The following SNX31 variants were observed in gnomAD, a reference collection of about 807,000 sequenced individuals.
The protein encoded by SNX31 is sorting nexin 31.
Under a neutral mutation model 65.4 loss-of-function variants are expected in SNX31, and 58 were observed. The ratio of observed to expected loss-of-function variants is 0.89; its 90% CI spans 0.72 to 1.10. SNX31 has a LOEUF of 1.10. SNX31 is among the 50% of genes least tolerant of loss of function. SNX31 has a pLI of 0.00. For missense variants in SNX31, 523 were observed against 529.7 expected (o/e 0.99, Z 0.12); for synonymous variants, 181 against 190.1 (o/e 0.95, Z 0.39).
At chr8:100,635,481 T>G (rs1048519200) in intron 3 of SNX31, among the ~76,000 whole-genome samples, 14 of 148,224 alleles carry the variant, frequency 9.4e-5, no homozygotes, top group Admixed American at 3.4e-4. Context: ...CCTCAAGTGA[T>G]CCTCCTGCCT....
intron 4 of SNX31, among the ~76,000 whole-genome samples, chr8:100,627,930 G>T (rs888552942): frequency 1.8e-4 from 27 of 152,052 alleles, no homozygotes; most frequent in Non-Finnish European, 3.4e-4. Flanking sequence ...GTGGGCAAAG[G>T]ATATGAACAG....
At chr8:100,652,346 A>G (rs561319933), upstream of SNX31, among the ~76,000 whole-genome samples, 8 of 152,264 alleles carry the variant, frequency 5.3e-5, no homozygotes, top group South Asian at 1.7e-3. Context: ...AATCAATCCT[A>G]TATTGTTTCC....
rs1205870153 is a variant in SNX31, at chr8:100,643,207, AAACAGAAAC to A, written c.141+6058_141+6066del. On this transcript the variant is annotated intron_variant, in intron 2 of 13. Transcript: ENST00000311812. ...GACTCCGTCTCAAAAAAACAAAACA[AAACAGAAAC>A]AAACAAAAAAATCCCAGAACAATCT... Among the ~76,000 whole-genome samples the A allele has an allele frequency of 2.6e-5, 4 of 151,812 alleles. No individual in the cohort carries two copies. In the East Asian group the frequency reaches 7.8e-4, roughly 30 times the overall value.
Position 100,629,316 on chromosome 8 carries a change from C to T in SNX31, c.321+1011G>A, listed in dbSNP as rs61621470. Among the ~76,000 whole-genome samples the T allele has an allele frequency of 0.085, 13,007 of 152,170 alleles. 668 individuals are homozygous for T. The highest frequency in any genetic ancestry group is 0.18 in the South Asian group (878 of 4,824). On this transcript the variant is annotated intron_variant, in intron 4 of 13. Transcript: ENST00000311812. The surrounding 1 kb of genome is among the most constrained non-coding windows in gnomAD (Gnocchi z 5.1). ...AAGAAAAGTTACTTTTCATTGTATA[C>T]GCTTGGCTATTTGAATTTTACTATC...
intron 1 of SNX31, among the ~76,000 whole-genome samples, chr8:100,654,794 C>T (rs550735653): frequency 6.6e-6 from 1 of 152,312 alleles, no homozygotes; most frequent in African/African-American, 2.4e-5. Context: ...ATGCGGATCA[C>T]TTGAGGTCAG....
chr8:100,580,532 G>C (rs904009048), intron 12 of SNX31, among the ~76,000 whole-genome samples: 7 of 152,142 alleles, frequency 4.6e-5, no homozygotes, highest in African/African-American at 1.7e-4. Context: ...TTGTCGTAGG[G>C]GAAATTCTGA....
intron 8 of SNX31, among the ~76,000 whole-genome samples, chr8:100,602,561 G>A (rs1815742268): frequency 6.6e-6 from 1 of 152,162 alleles, no homozygotes; most frequent in Non-Finnish European, 1.5e-5. Flanking sequence ...GGCACAGTAA[G>A]AGATGAACAA....
intron 10 of SNX31, among the ~76,000 whole-genome samples, chr8:100,592,196 A>G (rs760848877): frequency 6.6e-6 from 1 of 152,192 alleles, no homozygotes; most frequent in Non-Finnish European, 1.5e-5. Flanking sequence ...GAATTTGGAG[A>G]AAAAAAGTAG....
intron 1 of SNX31, among the ~76,000 whole-genome samples, chr8:100,662,919 A>G (rs1022041429): frequency 3.3e-5 from 5 of 152,220 alleles, no homozygotes; most frequent in African/African-American, 1.2e-4. Context: ...TTGAAAATAA[A>G]TCAGTGCTCT....
chr8:100,663,484 G>A (rs1418160561), upstream of SNX31: 1 of 152,146 alleles, frequency 6.6e-6, no homozygotes, highest in Non-Finnish European at 1.5e-5. Flanking sequence ...CAGTTGCGAG[G>A]ATACCATGTG....
chr8:100,581,892 C>G (rs2130801089), intron 12 of SNX31, among the ~76,000 whole-genome samples: 1 of 152,302 alleles, frequency 6.6e-6, no homozygotes, highest in South Asian at 2.1e-4. Context: ...TCTGCTCTCT[C>G]TACCTCCCAG....
intron 10 of SNX31, among the ~76,000 whole-genome samples, chr8:100,591,936 G>A (rs905164926): frequency 2.6e-5 from 4 of 152,170 alleles, no homozygotes; most frequent in Non-Finnish European, 5.9e-5. Flanking sequence ...ATTCAATAAT[G>A]TAAAATTTGC....
At chr8:100,601,495 T>A (rs527338270) in intron 8 of SNX31, among the ~76,000 whole-genome samples, 12 of 152,322 alleles carry the variant, frequency 7.9e-5, no homozygotes, top group Admixed American at 6.5e-4. Flanking sequence ...ATGAAATGTA[T>A]GAAATAAATA....
rs910552703 is a variant in SNX31, at chr8:100,575,945, G to A, written c.1227+1074C>T. Among the ~76,000 whole-genome samples the A allele has an allele frequency of 1.2e-5, 1 of 81,944 alleles. No individual in the cohort carries two copies. Among genetic ancestry groups the A allele is most frequent in the Non-Finnish European group, 4.8e-5 (1 of 20,974 alleles). 53.8% of individuals were successfully genotyped at this position (81,944 alleles called of 152,430 possible). On this transcript the variant is annotated intron_variant, in intron 13 of 13. Coordinates refer to ENST00000311812, the MANE Select transcript of SNX31 (RefSeq NM_152628.4). The surrounding 1 kb of genome is among the most constrained non-coding windows in gnomAD (Gnocchi z 5.1). ...AACCACAGCTCCATGCTGTCGGCATGCTGCTAAAATGGGTGCATTAAAATG... is the reference window on the plus strand; with the variant it reads ...AACCACAGCTCCATGCTGTCGGCATACTGCTAAAATGGGTGCATTAAAATG...
chr8:100,657,568 G>C (rs1205936251), intron 1 of SNX31, among the ~76,000 whole-genome samples: 3 of 152,184 alleles, frequency 2.0e-5, no homozygotes, highest in South Asian at 2.1e-4. Context: ...ACCTCATTTG[G>C]GGAGGCAGCA....
chr8:100,601,329 T>C (rs1815603735), intron 8 of SNX31, among the ~76,000 whole-genome samples: 1 of 152,160 alleles, frequency 6.6e-6, no homozygotes, highest in Admixed American at 6.5e-5. Flanking sequence ...TTTAACAACA[T>C]GGGAAATGTG....
chr8:100,600,474 C>G (rs778027885), intron 8 of SNX31, 33 bp from the exon 9 acceptor site: 2 of 1,565,910 alleles, frequency 1.3e-6, no homozygotes, highest in South Asian at 2.3e-5. Context: ...AATTAGCAGT[C>G]TTAGCAGAAA....
chr8:100,621,812 T>TA (rs1199025838), intron 4 of SNX31, among the ~76,000 whole-genome samples: 1 of 152,252 alleles, frequency 6.6e-6, no homozygotes, highest in Admixed American at 6.5e-5. Context: ...CACTGCCCCT[T>TA]ACTTCCTTTC....
At chr8:100,581,331 ATC>A (rs1489921362) in intron 12 of SNX31, among the ~76,000 whole-genome samples, 27 of 70,858 alleles carry the variant, frequency 3.8e-4, no homozygotes, top group African/African-American at 1.1e-3. Flanking sequence ...ATATCTATCT[ATC>A]TATCTATATA....
Sources: gnomAD v4.1 joint callset for allele counts (sites outside exome capture counted in the v4.1 genomes callset) on GRCh38, gnomAD v4.1.1 for gene constraint, Gnocchi (gnomAD v3.1) non-coding constraint, MANE v1.5 for transcripts, NCBI Gene and HGNC (gene_info 2026-07-23, HGNC 2026-07-21) for gene names.